DACH1: variants seen among roughly 807,000 people sequenced by gnomAD.
DACH1 encodes dachshund family transcription factor 1.
DACH1 carries 12 observed loss-of-function variants against 54.2 expected under a neutral mutation model. The ratio of observed to expected loss-of-function variants is 0.22; its 90% confidence interval spans 0.14 to 0.36. The LOEUF (loss-of-function observed/expected upper bound fraction) is 0.36, where lower values mean the gene tolerates loss of function less well. DACH1 is among the 10% of genes least tolerant of loss of function. The pLI, the probability that DACH1 is intolerant of heterozygous loss-of-function variation, is 1.00. For synonymous variants in DACH1, 386 were observed against 366.2 expected (o/e 1.05, Z -0.62); for missense variants, 805 against 929.8 (o/e 0.87, Z 1.75).
At chr13:71,864,227 A>C (rs1486436579) in intron 1 of DACH1, among the ~76,000 whole-genome samples, 1 of 146,546 alleles carries the variant, frequency 6.8e-6, no homozygotes, top group Non-Finnish European at 1.5e-5. Flanking sequence ...CATTTACCCC[A>C]AAATAGTCGA....
chr13:71,592,755 A>C (rs895455394), intron 3 of DACH1, among the ~76,000 whole-genome samples: 1 of 152,092 alleles, frequency 6.6e-6, no homozygotes, highest in Non-Finnish European at 1.5e-5. Context: ...AGAATGTGAC[A>C]ATCTCAATTT....
chr13:71,448,214 G>A (rs1346710688), intron 10 of DACH1, among the ~76,000 whole-genome samples: 28 of 152,174 alleles, frequency 1.8e-4, no homozygotes, highest in Non-Finnish European at 1.0e-4. Flanking sequence ...TTCCAGAGCT[G>A]AGGAAAATAT....
intron 6 of DACH1, 125 bp downstream of exon 6, chr13:71,556,899 G>A: frequency 9.4e-7 from 1 of 1,060,702 alleles, no homozygotes; most frequent in Non-Finnish European, 1.3e-6. Context: ...TAATATTGTG[G>A]ATTTTAAAAA....
At chr13:71,643,870 A>G (rs1032164738) in intron 2 of DACH1, among the ~76,000 whole-genome samples, 2 of 152,176 alleles carry the variant, frequency 1.3e-5, no homozygotes, top group East Asian at 1.9e-4. Flanking sequence ...AAAAAGACAA[A>G]GAGAGATTGT....
chr13:71,452,458 A>C (rs1273842724), intron 10 of DACH1, among the ~76,000 whole-genome samples: 1 of 152,204 alleles, frequency 6.6e-6, no homozygotes, highest in Non-Finnish European at 1.5e-5. Context: ...AAATTAAAAA[A>C]AATTACATCA....
At chr13:71,776,973 T>A (rs1182523426) in intron 1 of DACH1, among the ~76,000 whole-genome samples, 2 of 152,152 alleles carry the variant, frequency 1.3e-5, no homozygotes, top group Admixed American at 6.6e-5. Context: ...TGCAAACATC[T>A]GATAAGCATC....
chr13:71,843,679 A>G (rs1873034395), intron 1 of DACH1, among the ~76,000 whole-genome samples: 4 of 152,188 alleles, frequency 2.6e-5, no homozygotes, highest in African/African-American at 9.7e-5. Flanking sequence ...ACAATTCTTC[A>G]AGAAGCTTTT....
chr13:71,577,768 G>C (rs539326737), intron 3 of DACH1, among the ~76,000 whole-genome samples: 28 of 152,232 alleles, frequency 1.8e-4, no homozygotes, highest in African/African-American at 6.7e-4. Flanking sequence ...GAAATAAAGG[G>C]AAGCACAATT....
chr13:71,496,502 A>C (rs1434318046), intron 6 of DACH1, among the ~76,000 whole-genome samples: 1 of 151,570 alleles, frequency 6.6e-6, no homozygotes, highest in Non-Finnish European at 1.5e-5. Flanking sequence ...TATAAGTGGG[A>C]GCTAAGTAAT....
At chr13:71,627,335 C>CAAAA (rs1221837020) in intron 3 of DACH1, among the ~76,000 whole-genome samples, 23 of 70,098 alleles carry the variant, frequency 3.3e-4, no homozygotes, top group African/African-American at 9.7e-4. Context: ...AACGCTCTTA[C>CAAAA]AAAAAAAAAA....
At chr13:71,466,554 G>A (rs1876585578) in intron 10 of DACH1, among the ~76,000 whole-genome samples, 1 of 152,046 alleles carries the variant, frequency 6.6e-6, no homozygotes, top group Non-Finnish European at 1.5e-5. Context: ...AGAAAAACAT[G>A]ATGCCAGGCA....
rs530665720 is a variant in DACH1, at chr13:71,779,266, T to C, written c.848+86656A>G. ...ATATACGTATATACGTATATATGTGTATATATACGTATATACGTATATATA... is the reference window on the plus strand; with the variant it reads ...ATATACGTATATACGTATATATGTGCATATATACGTATATACGTATATATA... On this transcript the variant is annotated intron_variant, in intron 1 of 10. Coordinates refer to ENST00000613252, the MANE Select transcript of DACH1 (RefSeq NM_080759.6). Among the ~76,000 whole-genome samples, 623 of 62,358 alleles carry C rather than the reference T, an allele frequency of 1.0e-2. 20 individuals carry two copies. The highest frequency in any genetic ancestry group is 0.059 in the African/African-American group (594 of 10,130). 40.9% of individuals were successfully genotyped at this position (62,358 alleles called of 152,430 possible).
At chr13:71,765,932 G>A (rs1434132694) in intron 1 of DACH1, among the ~76,000 whole-genome samples, 1 of 144,864 alleles carries the variant, frequency 6.9e-6, no homozygotes, top group Non-Finnish European at 1.5e-5. Flanking sequence ...TGTCGCCCAG[G>A]CTGGAGTGCA....
At chr13:71,465,019 C>T (rs916812916) in intron 10 of DACH1, among the ~76,000 whole-genome samples, 3 of 152,030 alleles carry the variant, frequency 2.0e-5, no homozygotes, top group African/African-American at 7.2e-5. Flanking sequence ...AAATGATGTT[C>T]TCATTAATAT....
intron 1 of DACH1, among the ~76,000 whole-genome samples, chr13:71,849,638 T>C (rs535134778): frequency 6.6e-6 from 1 of 152,144 alleles, no homozygotes; most frequent in Non-Finnish European, 1.5e-5. Flanking sequence ...GACTCCTTAT[T>C]TCCCCCCCAT....
chr13:71,822,087 T>C (rs1206026069), intron 1 of DACH1, among the ~76,000 whole-genome samples: 3 of 151,862 alleles, frequency 2.0e-5, no homozygotes, highest in Non-Finnish European at 4.4e-5. Flanking sequence ...ACAAAGACAC[T>C]GAAACCAGCA....
At chr13:71,465,872 C>T (rs1876521043) in intron 10 of DACH1, among the ~76,000 whole-genome samples, 1 of 151,982 alleles carries the variant, frequency 6.6e-6, no homozygotes, top group Non-Finnish European at 1.5e-5. Context: ...ATTTTTCTAC[C>T]TCTTGTCTGA....
intron 3 of DACH1, among the ~76,000 whole-genome samples, chr13:71,589,211 A>G (rs1196750308): frequency 6.6e-6 from 1 of 151,988 alleles, no homozygotes; most frequent in Non-Finnish European, 1.5e-5. Context: ...CTGCCATTCC[A>G]TTAAGGAAAT....
At chr13:71,645,734 A>G (rs566850303) in intron 2 of DACH1, among the ~76,000 whole-genome samples, 1 of 152,346 alleles carries the variant, frequency 6.6e-6, no homozygotes, top group South Asian at 2.1e-4. Context: ...GAACGTGCTC[A>G]TGCCTGCAAT....
Sources: gnomAD v4.1 joint callset for allele counts (sites outside exome capture counted in the v4.1 genomes callset) on GRCh38, gnomAD v4.1.1 for gene constraint, MANE v1.5 for transcripts, NCBI Gene and HGNC (gene_info 2026-07-23, HGNC 2026-07-21) for gene names.